FERMT1: variants seen among roughly 807,000 people sequenced by gnomAD.
FERMT1 encodes fermitin family homolog 1.
A neutral mutation model predicts 85.3 loss-of-function variants in FERMT1; 60 were observed. The observed-to-expected ratio is 0.70, with a 90% CI of 0.57 to 0.87. The LOEUF (loss-of-function observed/expected upper bound fraction) is 0.87. Ranked by LOEUF, FERMT1 falls within the 40% of genes least tolerant of loss-of-function variation. FERMT1 has a pLI of 0.00. For synonymous variants in FERMT1, 275 were observed against 301.1 expected (o/e 0.91, Z 0.90); for missense variants, 701 against 818.9 (o/e 0.86, Z 1.76).
chr20:6,121,132 G>T (rs1438991434), intron 1 of FERMT1, among the ~76,000 whole-genome samples: 8 of 151,674 alleles, frequency 5.3e-5, no homozygotes, highest in African/African-American at 1.9e-4. Flanking sequence ...TTTTGTTTTT[G>T]TTTTTTTTGA....
intron 8 of FERMT1, among the ~76,000 whole-genome samples, chr20:6,096,640 C>T (rs1982505241): frequency 6.6e-6 from 1 of 152,122 alleles, no homozygotes; most frequent in Admixed American, 6.5e-5. Context: ...AGCAGTGGCT[C>T]CTTCACACCA....
At chr20:6,096,534 T>C (rs530113585) in intron 8 of FERMT1, among the ~76,000 whole-genome samples, 1 of 152,258 alleles carries the variant, frequency 6.6e-6, no homozygotes, top group East Asian at 1.9e-4. Context: ...CTTTATTCTA[T>C]TCTCACAGCT....
At chr20:6,103,819 T>G (rs1982726918) in intron 6 of FERMT1, among the ~76,000 whole-genome samples, 2 of 146,906 alleles carry the variant, frequency 1.4e-5, no homozygotes, top group African/African-American at 5.0e-5. Flanking sequence ...TTTATTAAAA[T>G]GTACCAATCT....
chr20:6,118,946 GT>G (rs528959334), intron 2 of FERMT1, among the ~76,000 whole-genome samples: 16,063 of 144,468 alleles, frequency 0.11, 990 homozygotes, highest in African/African-American at 0.16. Context: ...AAGACTCAAG[GT>G]TTTTTTTTTT....
chr20:6,077,535 C>T (rs1423201810), intron 14 of FERMT1, among the ~76,000 whole-genome samples, 189 bp from the exon 15 acceptor site: 1 of 152,082 alleles, frequency 6.6e-6, no homozygotes, highest in Non-Finnish European at 1.5e-5. Flanking sequence ...CTCTTTGCGC[C>T]CTCTGGTGGT....
chr20:6,107,864 CTTTGT>C (rs1366910298), intron 5 of FERMT1, among the ~76,000 whole-genome samples: 1 of 152,050 alleles, frequency 6.6e-6, no homozygotes, highest in African/African-American at 2.4e-5. Context: ...TTTTGTTCTG[CTTTGT>C]TTTGTTTTGT....
chr20:6,090,761 AC>A (rs1414047927), intron 9 of FERMT1, among the ~76,000 whole-genome samples: 3 of 151,920 alleles, frequency 2.0e-5, no homozygotes, highest in Non-Finnish European at 4.4e-5. Context: ...ACCCAGCAAA[AC>A]CCCCTCAGTG....
At chr20:6,100,068 T>C (rs1307642709) in intron 6 of FERMT1, among the ~76,000 whole-genome samples, 3 of 151,248 alleles carry the variant, frequency 2.0e-5, no homozygotes, top group Non-Finnish European at 4.4e-5. Flanking sequence ...GAATTGTACA[T>C]CTAAAAATGG....
intron 1 of FERMT1, among the ~76,000 whole-genome samples, chr20:6,122,557 T>A (rs1983306935): frequency 6.6e-6 from 1 of 152,170 alleles, no homozygotes; most frequent in African/African-American, 2.4e-5. Flanking sequence ...CTTACTCCCA[T>A]TAAGGCAGCA....
At chr20:6,115,322 A>G (rs528068009) in intron 3 of FERMT1, among the ~76,000 whole-genome samples, 13 of 152,202 alleles carry the variant, frequency 8.5e-5, no homozygotes, top group Non-Finnish European at 1.9e-4. Context: ...TAAATTCACA[A>G]TTAAGTGTAC....
intron 11 of FERMT1, among the ~76,000 whole-genome samples, chr20:6,085,667 T>A (rs190844097): frequency 1.2e-3 from 180 of 152,188 alleles, no homozygotes; most frequent in Non-Finnish European, 2.1e-3. Context: ...CTGGCCAACA[T>A]GGTGAAACCC....
chr20:6,085,218 A>C lies in FERMT1; in HGVS notation c.1441T>G (p.Ser481Ala). Reference protein sequence around the residue: ...ASKGKTMADSSYQPEVLNILS... With the variant: ...ASKGKTMADSAYQPEVLNILS... ...ATGTTGAGGACCTCTGGCTGGTAGG[A>C]GCTGTCTGCCATGGTTTTGCCCTTC... is the stretch of plus-strand genomic sequence containing the variant. Residue 481 changes from serine to alanine, a missense_variant, in exon 12 of 15, where the codon TCC (serine) becomes GCC (alanine). Coordinates refer to ENST00000217289, the MANE Select transcript of FERMT1 (RefSeq NM_017671.5). The C allele has an allele frequency of 6.2e-7, 1 of 1,614,122 alleles. No homozygotes were observed. The highest frequency in any genetic ancestry group is 2.2e-5 in the East Asian group (1 of 44,876).
chr20:6,116,016 A>G lies in FERMT1; in HGVS notation c.180T>C (p.Ala60=), dbSNP rs1400539319. Residue 60 remains alanine (A), a synonymous_variant, in exon 3 of 15, where the codon GCT becomes GCC. Coordinates refer to ENST00000217289, the MANE Select transcript of FERMT1 (RefSeq NM_017671.5). ...INISQDWSDF[A]LWWEQKHCWL... Reference sequence around the variant, plus strand: ...AGCAATGCTTCTGTTCCCACCAAAGAGCAAAGTCTGACCAGTCTTGGGATA... The same window carrying G: ...AGCAATGCTTCTGTTCCCACCAAAGGGCAAAGTCTGACCAGTCTTGGGATA... The G allele has an allele frequency of 1.9e-6, 3 of 1,614,078 alleles. No homozygotes were observed. Among genetic ancestry groups the G allele is most frequent in the East Asian group, 2.2e-5 (1 of 44,880 alleles).
intron 11 of FERMT1, 124 bp downstream of exon 11, chr20:6,087,653 T>C (rs781042730): frequency 4.1e-5 from 30 of 733,318 alleles, no homozygotes; most frequent in Admixed American, 1.3e-4. Context: ...TACACTGTGA[T>C]TGTTTGTTAC....
At chr20:6,094,818 A>G in intron 9 of FERMT1, 121 bp downstream of exon 9, 1 of 727,864 alleles carries the variant, frequency 1.4e-6, no homozygotes, top group South Asian at 1.5e-5. Context: ...CTGATGGCAA[A>G]GCGCACATTT....
At chr20:6,090,290 G>A (rs1015182681) in intron 9 of FERMT1, among the ~76,000 whole-genome samples, 32 of 151,954 alleles carry the variant, frequency 2.1e-4, no homozygotes, top group African/African-American at 7.7e-4. Context: ...GGCCAGGATG[G>A]TCTCGATCTC....
At position 6,112,562 on chromosome 20, in the gene FERMT1, CT is replaced by C; in HGVS notation, c.446del (p.Lys149ArgfsTer12). On this transcript the variant is annotated frameshift_variant, in exon 4 of 15. Transcript: ENST00000217289. LOFTEE classifies it high-confidence loss of function. ...LKPSGDYFKK[K>X]KKKDKNNKEP... The stretch of plus-strand genomic sequence containing the variant: ...CCTTATTATTTTTGTCTTTTTTCTT[CT>C]TCTTCTTAAAATAGTCACCAGACGG... 1 of 1,608,936 alleles carries C rather than the reference CT, an allele frequency of 6.2e-7. No individual in the cohort carries two copies. Among genetic ancestry groups the C allele is most frequent in the Non-Finnish European group, 8.5e-7 (1 of 1,177,088 alleles).
chr20:6,089,323 C>T lies in FERMT1; in HGVS notation c.1140-234G>A, dbSNP rs6038352. On this transcript the variant is annotated intron_variant, in intron 9 of 14. Transcript: ENST00000217289. ...ACACCTGGCTCTGCTACTGTCTACA[C>T]GTGTGTCCTGGGAAAGATCCTGCAC... Among the ~76,000 whole-genome samples the T allele has an allele frequency of 0.017, 2,629 of 152,300 alleles. 74 individuals are homozygous for T. The highest frequency in any genetic ancestry group is 0.06 in the African/African-American group (2,491 of 41,558).
intron 12 of FERMT1, 99 bp downstream of exon 12, chr20:6,084,967 A>T: frequency 8.5e-7 from 1 of 1,170,442 alleles, no homozygotes; most frequent in Non-Finnish European, 1.3e-6. Context: ...TGCTGGAATT[A>T]CAGGTGTGAG....
Sources: allele counts gnomAD v4.1 joint callset (sites outside exome capture counted in the v4.1 genomes callset), GRCh38; gene constraint gnomAD v4.1.1; transcripts MANE v1.5; gene names NCBI Gene and HGNC (gene_info 2026-07-23, HGNC 2026-07-21).